Variants in CHD9 observed in about 807,000 individuals in gnomAD.
CHD9 encodes the protein chromodomain helicase DNA binding protein 9.
CHD9 carries 77 observed loss-of-function variants against 316.1 expected under a neutral mutation model. The observed-to-expected ratio is 0.24, with a 90% CI of 0.20 to 0.29. The LOEUF (loss-of-function observed/expected upper bound fraction) is 0.29, where lower values mean the gene tolerates loss of function less well. Among genes scored for constraint, CHD9 ranks in the 10% least tolerant of loss-of-function variants. CHD9 has a pLI of 1.00. For synonymous variants in CHD9, 1,129 were observed against 1,158.3 expected (o/e 0.97, Z 0.51); for missense variants, 2,763 against 3,438.1 (o/e 0.80, Z 4.91).
At chr16:53,084,412 G>A (rs546385626) in intron 1 of CHD9, among the ~76,000 whole-genome samples, 2 of 152,158 alleles carry the variant, frequency 1.3e-5, no homozygotes, top group African/African-American at 2.4e-5. Context: ...GAGTGTTGTT[G>A]GTAAGGACCC....
intron 2 of CHD9, among the ~76,000 whole-genome samples, chr16:53,194,995 T>C (rs1421381356): frequency 1.3e-5 from 2 of 152,198 alleles, no homozygotes; most frequent in Non-Finnish European, 2.9e-5. Context: ...AGAATGATTG[T>C]TTACTCAGAT....
intron 1 of CHD9, among the ~76,000 whole-genome samples, chr16:53,150,668 C>T (rs1388519280): frequency 6.6e-6 from 1 of 152,188 alleles, no homozygotes; most frequent in African/African-American, 2.4e-5. Context: ...GGCAGTTCTA[C>T]TAATAACAAA....
chr16:53,244,125 C>A (rs956839556), intron 13 of CHD9, among the ~76,000 whole-genome samples: 5 of 150,442 alleles, frequency 3.3e-5, no homozygotes, highest in African/African-American at 1.2e-4. Flanking sequence ...TAAAAATATT[C>A]TATGTTTATT....
intron 1 of CHD9, 142 bp downstream of exon 1, chr16:53,055,219 A>T (rs1397841678): frequency 6.6e-6 from 1 of 152,428 alleles, no homozygotes; most frequent in East Asian, 1.9e-4. Flanking sequence ...CGTGGGGGGG[A>T]CCCAGAGACC....
intron 1 of CHD9, among the ~76,000 whole-genome samples, chr16:53,106,176 T>A (rs761450486): frequency 6.6e-6 from 1 of 152,168 alleles, no homozygotes; most frequent in Non-Finnish European, 1.5e-5. Context: ...TTCTCATTAT[T>A]CTCCTTTGCA....
chr16:53,109,536 T>C (rs1041364719), intron 1 of CHD9, among the ~76,000 whole-genome samples: 1 of 151,690 alleles, frequency 6.6e-6, no homozygotes, highest in Admixed American at 6.6e-5. Flanking sequence ...GGTTTCACCA[T>C]GTTGGCCAGG....
At chr16:53,120,183 G>T (rs1369405781) in intron 1 of CHD9, among the ~76,000 whole-genome samples, 1 of 152,116 alleles carries the variant, frequency 6.6e-6, no homozygotes, top group African/African-American at 2.4e-5. Flanking sequence ...AACAAACTAT[G>T]ATTGCACCAC....
chr16:53,297,009 T>C lies in CHD9; in HGVS notation c.5564T>C (p.Val1855Ala), dbSNP rs1319476612. 6.2e-7 allele frequency: 1 copy of C among 1,613,568 alleles called. No homozygotes were observed. The highest frequency in any genetic ancestry group is 2.2e-5 in the East Asian group (1 of 44,836). Residue 1855 changes from valine to alanine, a missense_variant, in exon 30 of 39, where the codon GTG becomes GCG. Val to Ala is a moderately conservative substitution (Grantham distance 64). Around this residue, in one of 15 missense-constraint regions of CHD9, gnomAD observed 183 missense variants for 258.5 expected, o/e 0.71. Coordinates refer to ENST00000447540, the MANE Select transcript of CHD9 (RefSeq NM_001308319.2). ...TATAGGGTTGTATCTACATTTGGAG[T>C]GGTTTTTGACCCTGACAGAGGCCAA... Reference protein sequence around the residue: ...DFYRVVSTFGVVFDPDRGQFD... With the variant: ...DFYRVVSTFGAVFDPDRGQFD...
rs1567686662 is a variant in CHD9, at chr16:53,319,802, C to CT, written c.7713+1463dup. 4.8e-6 allele frequency: 6 copies of CT among 1,255,630 alleles called. No individual in the cohort carries two copies. The Admixed American group carries it at 1.4e-4, about 30-fold the overall frequency. The allele number at this position is 1,255,630 out of a possible 1,614,324, so 77.8% of individuals were successfully genotyped here. ...TAGAGTTTCTAATTGTCTTGAGTCT[C>CT]TCGGGTACAGGCTTAAGGATTGATG... On this transcript the variant is annotated intron_variant, in intron 37 of 38. Coordinates refer to ENST00000447540, the MANE Select transcript of CHD9 (RefSeq NM_001308319.2).
intron 1 of CHD9, among the ~76,000 whole-genome samples, chr16:53,105,267 G>T (rs1199114126): frequency 3.9e-5 from 6 of 152,084 alleles, no homozygotes; most frequent in African/African-American, 1.4e-4. Context: ...GCATTTTCTA[G>T]AAGAAGCCAA....
chr16:53,292,962 C>T lies in CHD9; in HGVS notation c.5420C>T (p.Thr1807Ile). The change falls in exon 29 of 39, where the codon ACT (threonine) becomes ATT (isoleucine). Residue 1807 changes from threonine (T) to isoleucine (I), a missense_variant. Physicochemically the swap from Thr to Ile is moderately conservative, Grantham distance 89. Transcript: ENST00000447540. ...KNRQIQQIQP[T>I]FSVPTSVMQP... The stretch of plus-strand genomic sequence containing the variant: ...AGACAAATTCAGCAGATACAACCGA[C>T]TTTCTCGGTGCCTACCAGTGTAATG... The T allele has an allele frequency of 6.2e-7, 1 of 1,613,816 alleles. No homozygotes were observed.
chr16:53,075,590 G>C (rs947848364), intron 1 of CHD9, among the ~76,000 whole-genome samples: 1 of 152,062 alleles, frequency 6.6e-6, no homozygotes, highest in African/African-American at 2.4e-5. Flanking sequence ...TAAGTCTCAC[G>C]AGATCTGATG....
At chr16:53,086,637 T>G (rs2152544195) in intron 1 of CHD9, among the ~76,000 whole-genome samples, 1 of 152,350 alleles carries the variant, frequency 6.6e-6, no homozygotes, top group East Asian at 1.9e-4. Flanking sequence ...GAGGTGCATA[T>G]AAGATATGTG....
intron 28 of CHD9, among the ~76,000 whole-genome samples, 163 bp from the exon 29 acceptor site, chr16:53,292,670 A>G (rs2054442115): frequency 6.6e-6 from 1 of 152,208 alleles, no homozygotes; most frequent in South Asian, 2.1e-4. Context: ...AGTTTGTTGT[A>G]ATGTTTCTTA....
At chr16:53,100,891 T>G (rs1445894626) in intron 1 of CHD9, among the ~76,000 whole-genome samples, 1 of 152,236 alleles carries the variant, frequency 6.6e-6, no homozygotes, top group Non-Finnish European at 1.5e-5. Flanking sequence ...CATCAGATGG[T>G]GTGAACATGA....
At chr16:53,201,622 C>A (rs921791582) in intron 2 of CHD9, among the ~76,000 whole-genome samples, 1 of 151,954 alleles carries the variant, frequency 6.6e-6, no homozygotes, top group Non-Finnish European at 1.5e-5. Flanking sequence ...TTTTAAATTT[C>A]TTTATTATAT....
chr16:53,304,897 T>C (rs1239177284), intron 31 of CHD9, among the ~76,000 whole-genome samples: 2 of 151,728 alleles, frequency 1.3e-5, no homozygotes, highest in African/African-American at 2.4e-5. Context: ...TTTCTCCATG[T>C]TGGTCAGGCT....
chr16:53,171,355 C>A (rs1255627693), intron 2 of CHD9, among the ~76,000 whole-genome samples: 1 of 151,962 alleles, frequency 6.6e-6, no homozygotes, highest in Admixed American at 6.6e-5. Flanking sequence ...GGAGGCAGAG[C>A]TTGCAGTGAT....
intron 1 of CHD9, among the ~76,000 whole-genome samples, chr16:53,147,168 G>C (rs538696835): frequency 2.0e-5 from 3 of 152,266 alleles, no homozygotes; most frequent in African/African-American, 7.2e-5. Flanking sequence ...AGCAAGGAAG[G>C]GGGAGTGTGA....
Sources: allele counts gnomAD v4.1 joint callset (sites outside exome capture counted in the v4.1 genomes callset), GRCh38; gene constraint gnomAD v4.1.1; regional missense constraint gnomAD v4.1.1; transcripts MANE v1.5; gene names NCBI Gene and HGNC (gene_info 2026-07-23, HGNC 2026-07-21).